The following TMC7 variants were observed in gnomAD, a reference collection of about 807,000 sequenced individuals.
TMC7 encodes transmembrane channel-like protein 7.
TMC7 carries 54 observed loss-of-function variants against 82.9 expected under a neutral mutation model. The observed-to-expected ratio is 0.65, with a 90% CI of 0.52 to 0.82. The LOEUF (loss-of-function observed/expected upper bound fraction) is 0.82, where lower values mean the gene tolerates loss of function less well. Ranked by LOEUF, TMC7 falls within the 40% of genes least tolerant of loss-of-function variation. The pLI is 0.00. For synonymous variants in TMC7, 350 were observed against 337.9 expected, an observed-to-expected ratio of 1.04 and a Z score of -0.39; for missense variants, 820 against 901.2, an observed-to-expected ratio of 0.91 and a Z score of 1.15.
intron 9 of TMC7, among the ~76,000 whole-genome samples, chr16:19,044,167 A>G (rs1044958515): frequency 6.6e-6 from 1 of 150,846 alleles, no homozygotes; most frequent in Non-Finnish European, 1.5e-5. Context: ...CACGCCCGAC[A>G]TTGGTTTTTT....
At chr16:19,022,106 G>T (rs1960007586) in intron 4 of TMC7, among the ~76,000 whole-genome samples, 1 of 152,118 alleles carries the variant, frequency 6.6e-6, no homozygotes, top group African/African-American at 2.4e-5. Context: ...CCTCTATCTG[G>T]AGCATTGATA....
At chr16:19,028,149 A>G (rs550219600) in intron 5 of TMC7, among the ~76,000 whole-genome samples, 1 of 152,194 alleles carries the variant, frequency 6.6e-6, no homozygotes, top group African/African-American at 2.4e-5. Context: ...TCTACCTACA[A>G]TGTTTCTGCT....
At chr16:19,002,049 G>A (rs1596726933) in intron 1 of TMC7, among the ~76,000 whole-genome samples, 1 of 152,064 alleles carries the variant, frequency 6.6e-6, no homozygotes, top group East Asian at 1.9e-4. Context: ...GAAGCTGGTG[G>A]TGGTTTTAGT....
intron 3 of TMC7, among the ~76,000 whole-genome samples, chr16:19,019,357 A>G (rs1017844896): frequency 2.6e-5 from 4 of 152,236 alleles, no homozygotes; most frequent in African/African-American, 9.6e-5. Flanking sequence ...AGAATATAAC[A>G]TATTTCTAAA....
At position 19,005,391 on chromosome 16, in the gene TMC7, A is replaced by G. The variant is rs112477773; in HGVS notation, c.68-3781A>G. 2.5e-3 allele frequency among the ~76,000 whole-genome samples: 383 copies of G among 152,296 alleles called. 5 individuals carry two copies. Among genetic ancestry groups the G allele is most frequent in the African/African-American group, 8.6e-3 (357 of 41,578 alleles). On this transcript the variant is annotated intron_variant, in intron 1 of 15. Transcript: ENST00000304381. The stretch of plus-strand genomic sequence containing the variant: ...GCGTGAGCCACCACGCCTGGCCCGC[A>G]TGTTAAATACTTTAAATGGCCTGGT...
chr16:18,999,248 C>T (rs1402507306), intron 1 of TMC7, among the ~76,000 whole-genome samples: 1 of 152,198 alleles, frequency 6.6e-6, no homozygotes, highest in Admixed American at 6.5e-5. Context: ...AATCCTCCCG[C>T]CTCATCCTCT....
chr16:19,042,530 C>T (rs1961061285), intron 9 of TMC7, among the ~76,000 whole-genome samples: 2 of 146,524 alleles, frequency 1.4e-5, no homozygotes, highest in Non-Finnish European at 3.0e-5. Context: ...TTTTTTGAGA[C>T]GGAGTCTCAC....
At chr16:19,003,207 T>C (rs981259422) in intron 1 of TMC7, among the ~76,000 whole-genome samples, 4 of 152,134 alleles carry the variant, frequency 2.6e-5, no homozygotes, top group African/African-American at 9.7e-5. Flanking sequence ...GGTGTAGTGG[T>C]GTGCATCTGT....
intron 1 of TMC7, among the ~76,000 whole-genome samples, chr16:18,999,219 T>C (rs1596723196): frequency 6.6e-6 from 1 of 152,284 alleles, no homozygotes; most frequent in East Asian, 1.9e-4. Flanking sequence ...AGGTTGGTCT[T>C]GAACTCCTGG....
intron 3 of TMC7, among the ~76,000 whole-genome samples, chr16:19,021,239 A>G (rs1490985792): frequency 6.6e-6 from 1 of 152,240 alleles, no homozygotes; most frequent in East Asian, 1.9e-4. Flanking sequence ...ACAGTCTAGC[A>G]TTGGTGTAAG....
At chr16:19,055,951 A>C (rs1430787065) in intron 13 of TMC7, among the ~76,000 whole-genome samples, 1 of 152,210 alleles carries the variant, frequency 6.6e-6, no homozygotes, top group Non-Finnish European at 1.5e-5. Context: ...GGAGAATAGA[A>C]TGCCCACATT....
chr16:19,017,337 T>G (rs991002554), intron 3 of TMC7, among the ~76,000 whole-genome samples: 3 of 149,452 alleles, frequency 2.0e-5, no homozygotes, highest in African/African-American at 7.3e-5. Context: ...TTAAATTATT[T>G]AATAATTTAA....
chr16:19,035,708 G>A lies in TMC7; in HGVS notation c.890G>A (p.Arg297Gln), dbSNP rs767135335. 44 of 1,614,010 alleles carry A rather than the reference G, an allele frequency of 2.7e-5. No individual in the cohort carries two copies. Among genetic ancestry groups the A allele is most frequent in the Non-Finnish European group, 3.4e-5 (40 of 1,180,016 alleles). ...SVEGFKINLI[R>Q]SEEHFQSYCN... The stretch of plus-strand genomic sequence containing the variant: ...GAAGGATTCAAAATCAACCTGATTC[G>A]GAGTGAGGAGCACTTTCAGAGTTAC... The change falls in exon 7 of 16, where the codon CGG becomes CAG. Residue 297 changes from arginine to glutamine, a missense_variant. Coordinates refer to ENST00000304381, the MANE Select transcript of TMC7 (RefSeq NM_024847.4).
chr16:19,021,596 C>T, intron 3 of TMC7, 33 bp from the exon 4 acceptor site: 2 of 1,611,610 alleles, frequency 1.2e-6, no homozygotes, highest in South Asian at 1.1e-5. Context: ...ATCAATATCC[C>T]TGGTCAGTGA....
chr16:19,001,593 G>A (rs1445412535), intron 1 of TMC7, among the ~76,000 whole-genome samples: 1 of 152,266 alleles, frequency 6.6e-6, no homozygotes, highest in East Asian at 1.9e-4. Context: ...GAGGCGAGGA[G>A]TATTGCCTGA....
At chr16:19,016,273 A>G (rs552540318) in intron 2 of TMC7, among the ~76,000 whole-genome samples, 177 bp from the exon 3 acceptor site, 16 of 151,854 alleles carry the variant, frequency 1.1e-4, no homozygotes, top group African/African-American at 3.4e-4. Flanking sequence ...TATTTTTAGT[A>G]GAGATGGTGT....
At chr16:19,048,000 A>C (rs1230333157) in intron 12 of TMC7, among the ~76,000 whole-genome samples, 1 of 151,958 alleles carries the variant, frequency 6.6e-6, no homozygotes, top group Non-Finnish European at 1.5e-5. Flanking sequence ...CACCCGGCCT[A>C]CTCTTGATGA....
chr16:19,006,231 G>A (rs1318136131), intron 1 of TMC7, among the ~76,000 whole-genome samples: 1 of 145,932 alleles, frequency 6.9e-6, no homozygotes, highest in Admixed American at 7.0e-5. Flanking sequence ...ACGGAGTTTC[G>A]CTCTTGTTGC....
intron 2 of TMC7, among the ~76,000 whole-genome samples, chr16:19,013,541 G>A (rs938734724): frequency 1.3e-5 from 2 of 150,962 alleles, no homozygotes; most frequent in African/African-American, 4.9e-5. Flanking sequence ...TTTTTGAGAC[G>A]GAATCTCACT....
Sources: allele counts gnomAD v4.1 joint callset (sites outside exome capture counted in the v4.1 genomes callset), GRCh38; gene constraint gnomAD v4.1.1; transcripts MANE v1.5; gene names NCBI Gene and HGNC (gene_info 2026-07-23, HGNC 2026-07-21).